SCN3A: variants seen among roughly 807,000 people sequenced by gnomAD.
SCN3A encodes the protein sodium voltage-gated channel alpha subunit 3, also known as sodium channel protein type 3 subunit alpha.
In SCN3A, 60 loss-of-function variants were observed where a neutral mutation model predicts 187.6. The ratio of observed to expected loss-of-function variants is 0.32; its 90% CI spans 0.26 to 0.40. SCN3A has a LOEUF of 0.40. Ranked by LOEUF, SCN3A falls within the 10% of genes least tolerant of loss-of-function variation. The pLI is 1.00. For synonymous variants in SCN3A, 788 were observed against 829.2 expected (o/e 0.95, Z 0.85); for missense variants, 1,601 against 2,428.2 (o/e 0.66, Z 7.16).
At chr2:165,142,317 G>A (rs991168386) in intron 12 of SCN3A, among the ~76,000 whole-genome samples, 1 of 152,160 alleles carries the variant, frequency 6.6e-6, no homozygotes, top group Non-Finnish European at 1.5e-5. Flanking sequence ...TGCCTAATTA[G>A]GTCATGCTGA....
chr2:165,158,163 A>C, intron 9 of SCN3A, among the ~76,000 whole-genome samples: 1 of 152,214 alleles, frequency 6.6e-6, no homozygotes, highest in East Asian at 1.9e-4. Flanking sequence ...GTAATTGCTC[A>C]GTACTGGTAC....
At chr2:165,103,119 G>C (rs1252846988) in intron 21 of SCN3A, among the ~76,000 whole-genome samples, 2 of 152,060 alleles carry the variant, frequency 1.3e-5, no homozygotes, top group Non-Finnish European at 2.9e-5. Flanking sequence ...GAAAAAATAT[G>C]GTTTAAAAGC....
chr2:165,105,052 G>T (rs1223641894), intron 21 of SCN3A, among the ~76,000 whole-genome samples: 1 of 152,152 alleles, frequency 6.6e-6, no homozygotes, highest in Non-Finnish European at 1.5e-5. Context: ...TTCAAAAAAT[G>T]ATCAGAAGGC....
At chr2:165,102,613 G>A (rs1685660275) in intron 21 of SCN3A, among the ~76,000 whole-genome samples, 1 of 152,178 alleles carries the variant, frequency 6.6e-6, no homozygotes, top group African/African-American at 2.4e-5. Flanking sequence ...GGCACCACCT[G>A]CATCTAACCA....
At position 165,148,244 on chromosome 2, in the gene SCN3A, AC is replaced by A. The variant is rs769085464; in HGVS notation, c.1381-1216del. On this transcript the variant is annotated intron_variant, in intron 11 of 27. Coordinates refer to ENST00000283254, the MANE Select transcript of SCN3A (RefSeq NM_006922.4). ...GAAGAACAAGACATACTTAACCTTG[AC>A]TTTGATGCTTCTGAAGAACTTTATA... is the stretch of plus-strand genomic sequence containing the variant. 1.2e-3 allele frequency among the ~76,000 whole-genome samples: 178 copies of A among 152,090 alleles called. 1 individual carries two copies. Among genetic ancestry groups the A allele is most frequent in the Non-Finnish European group, 1.6e-3 (106 of 67,934 alleles).
chr2:165,179,119 C>T (rs528276659), intron 2 of SCN3A, among the ~76,000 whole-genome samples: 15 of 151,300 alleles, frequency 9.9e-5, no homozygotes, highest in Admixed American at 3.9e-4. Flanking sequence ...GAAACACGGT[C>T]GCTTTCTTAG....
Position 165,149,992 on chromosome 2 carries a change from C to T in SCN3A, c.1381-2963G>A, listed in dbSNP as rs576577893. Among the ~76,000 whole-genome samples, 5 of 152,220 alleles carry T rather than the reference C, an allele frequency of 3.3e-5. No homozygotes were observed. The South Asian group carries it at 1.0e-3, about 32-fold the overall frequency. ...ACATTATACCTATTTCTGTTCTACC[C>T]CAATTATATTAGATTTCTTAAGAGC... On this transcript the variant is annotated intron_variant, in intron 11 of 27. Coordinates refer to ENST00000283254, the MANE Select transcript of SCN3A (RefSeq NM_006922.4).
intron 1 of SCN3A, among the ~76,000 whole-genome samples, chr2:165,197,280 C>T (rs1339616703): frequency 6.6e-6 from 1 of 152,102 alleles, no homozygotes; most frequent in East Asian, 1.9e-4. Context: ...TTTCACTTCC[C>T]TAGCCAAGTT....
chr2:165,113,791 T>C (rs1274257877), intron 20 of SCN3A, 25 bp downstream of exon 20: 1 of 1,611,186 alleles, frequency 6.2e-7, no homozygotes, highest in Non-Finnish European at 8.5e-7. Flanking sequence ...AGAATCTGAT[T>C]CTTGCCAATA....
At chr2:165,107,163 A>G (rs1457226099) in intron 21 of SCN3A, among the ~76,000 whole-genome samples, 3 of 152,182 alleles carry the variant, frequency 2.0e-5, no homozygotes, top group Non-Finnish European at 4.4e-5. Context: ...AAGCAGTTAG[A>G]AGTATGGGTT....
chr2:165,112,672 C>T (rs572110420), intron 21 of SCN3A, among the ~76,000 whole-genome samples: 5 of 152,270 alleles, frequency 3.3e-5, no homozygotes, highest in South Asian at 2.1e-4. Flanking sequence ...AAGAACAATT[C>T]TCCCTGTGTT....
At position 165,196,037 on chromosome 2, in the gene SCN3A, T is replaced by C. The variant is rs113573174; in HGVS notation, c.-248+7786A>G. Among the ~76,000 whole-genome samples the C allele has an allele frequency of 9.6e-3, 1,469 of 152,262 alleles. 25 individuals are homozygous for C. Among genetic ancestry groups the C allele is most frequent in the African/African-American group, 0.032 (1,310 of 41,562 alleles). On this transcript the variant is annotated intron_variant, in intron 1 of 27. Transcript: ENST00000283254. ...GAATGGTTATATCAACCATAAATTA[T>C]TCCCCCTCTGCACTGATTGTGTTAT...
At chr2:165,105,000 A>G (rs965761862) in intron 21 of SCN3A, among the ~76,000 whole-genome samples, 2 of 152,214 alleles carry the variant, frequency 1.3e-5, no homozygotes, top group Non-Finnish European at 2.9e-5. Flanking sequence ...TCAGAGAAAG[A>G]GCAGCAGAAA....
Position 165,092,148 on chromosome 2 carries a change from A to C in SCN3A, c.4807+106T>G. The C allele has an allele frequency of 9.3e-7, 1 of 1,077,258 alleles. No homozygotes were observed. Among genetic ancestry groups the C allele is most frequent in the Non-Finnish European group, 1.4e-6 (1 of 696,600 alleles). 66.7% of individuals were successfully genotyped at this position (1,077,258 alleles called of 1,614,324 possible). On this transcript the variant is annotated intron_variant, in intron 27 of 27. Coordinates refer to ENST00000283254, the MANE Select transcript of SCN3A (RefSeq NM_006922.4). The surrounding 1 kb of genome is among the most constrained non-coding windows in gnomAD (Gnocchi z 4.2). ...TATGCTAGTGTTGAACTTTACATCT[A>C]TATGCATTATTATTCTCAGACCTAA...
At chr2:165,137,606 T>C (rs1048701901) in intron 15 of SCN3A, among the ~76,000 whole-genome samples, 7 of 152,140 alleles carry the variant, frequency 4.6e-5, no homozygotes, top group African/African-American at 1.2e-4. Flanking sequence ...GACCCACATT[T>C]CCAGCAAGAA....
At chr2:165,154,702 G>A in intron 10 of SCN3A, 44 bp from the exon 11 acceptor site, 2 of 1,526,532 alleles carry the variant, frequency 1.3e-6, no homozygotes, top group Non-Finnish European at 1.8e-6. Context: ...TTAGTATAAT[G>A]TCCCCAAATA....
rs890683758 is a variant in SCN3A, at chr2:165,187,570, A to C, written c.-247-823T>G. Among the ~76,000 whole-genome samples the C allele has an allele frequency of 2.0e-5, 3 of 152,204 alleles. No homozygotes were observed. The East Asian group carries it at 5.8e-4, about 29-fold the overall frequency. On this transcript the variant is annotated intron_variant, in intron 1 of 27. Coordinates refer to ENST00000283254, the MANE Select transcript of SCN3A (RefSeq NM_006922.4). ...AAAAAACATTAAATCTCACTTTTAC[A>C]ATTTTATACATGGTCTATACAATCT...
chr2:165,118,018 C>G (rs919964387), intron 18 of SCN3A, among the ~76,000 whole-genome samples: 1 of 152,144 alleles, frequency 6.6e-6, no homozygotes, highest in Admixed American at 6.5e-5. Flanking sequence ...GTCCTAATAA[C>G]CACTAACCTG....
Position 165,090,138 on chromosome 2 carries a change from CTT to C in SCN3A, c.*10_*11del, listed in dbSNP as rs1396662905. On this transcript the variant is annotated 3_prime_UTR_variant, in exon 28 of 28. Transcript: ENST00000283254. The surrounding 1 kb of genome is among the most constrained non-coding windows in gnomAD (Gnocchi z 4.0). The stretch of plus-strand genomic sequence containing the variant: ...TAAACAATTGATCACAAAGATAATT[CTT>C]TGTTTCTTTTTACTTTTGATTTTCT... The C allele has an allele frequency of 1.9e-6, 3 of 1,563,886 alleles. No homozygotes were observed. The African/African-American group carries it at 4.1e-5, about 21-fold the overall frequency.
Sources: gnomAD v4.1 joint callset for allele counts (sites outside exome capture counted in the v4.1 genomes callset) on GRCh38, gnomAD v4.1.1 for gene constraint, Gnocchi (gnomAD v3.1) non-coding constraint, MANE v1.5 for transcripts, NCBI Gene and HGNC (gene_info 2026-07-23, HGNC 2026-07-21) for gene names.